ATP11A: variants seen among roughly 807,000 people sequenced by gnomAD.
The protein encoded by ATP11A is phospholipid-transporting ATPase IH.
A neutral mutation model predicts 154.4 loss-of-function variants in ATP11A; 81 were observed. The ratio of observed to expected loss-of-function variants is 0.52; its 90% CI spans 0.44 to 0.63. The LOEUF (loss-of-function observed/expected upper bound fraction) is 0.63, where lower values mean the gene tolerates loss of function less well. Ranked by LOEUF, ATP11A falls within the 30% of genes least tolerant of loss-of-function variation. The pLI is 0.00. For synonymous variants in ATP11A, 623 were observed against 585.9 expected, an observed-to-expected ratio of 1.06 and a Z score of -0.91; for missense variants, 1,316 against 1,474.3, an observed-to-expected ratio of 0.89 and a Z score of 1.76.
chr13:112,721,167 A>G (rs1163004985), intron 1 of ATP11A, among the ~76,000 whole-genome samples: 1 of 152,064 alleles, frequency 6.6e-6, no homozygotes, highest in Non-Finnish European at 1.5e-5. Context: ...TTAGGGTCCG[A>G]TTGCTCCTCT....
At chr13:112,714,751 G>A (rs1297719574) in intron 1 of ATP11A, among the ~76,000 whole-genome samples, 1 of 152,180 alleles carries the variant, frequency 6.6e-6, no homozygotes. Flanking sequence ...GGTCAGTGAG[G>A]CCACTGTGGA....
intron 1 of ATP11A, among the ~76,000 whole-genome samples, chr13:112,767,412 G>A (rs12861222): frequency 0.14 from 2,413 of 17,108 alleles, 298 homozygotes; most frequent in Middle Eastern, 0.29. Flanking sequence ...GCCCCTGTGG[G>A]AAGGTGGGGA....
At chr13:112,733,170 T>C (rs1345074847) in intron 1 of ATP11A, among the ~76,000 whole-genome samples, 1 of 152,228 alleles carries the variant, frequency 6.6e-6, no homozygotes, top group African/African-American at 2.4e-5. Flanking sequence ...GGCATCTGTT[T>C]TTCTCCTTGT....
intron 25 of ATP11A, among the ~76,000 whole-genome samples, chr13:112,870,762 G>A (rs899169694): frequency 1.3e-5 from 2 of 152,234 alleles, no homozygotes; most frequent in South Asian, 2.1e-4. Flanking sequence ...GGGCCACAGC[G>A]CAGGAGCGTC....
At chr13:112,727,336 T>C (rs1272224889) in intron 1 of ATP11A, among the ~76,000 whole-genome samples, 3 of 152,244 alleles carry the variant, frequency 2.0e-5, no homozygotes, top group African/African-American at 2.4e-5. Flanking sequence ...CGTGAGCCAC[T>C]GTGCCCTACT....
chr13:112,819,209 C>G (rs1186333892), intron 6 of ATP11A, 95 bp from the exon 7 acceptor site: 1 of 983,788 alleles, frequency 1.0e-6, no homozygotes, highest in Non-Finnish European at 1.6e-6. Flanking sequence ...CTCATAGGGT[C>G]AGCCAGGCTT....
chr13:112,826,903 C>T lies in ATP11A; in HGVS notation c.1221+12C>T, dbSNP rs1169656948. ...AAGAGCTGGGACAGGTTGGTGTCTC[C>T]TGAGTCATCTGCTGTGATTTATTAA... On this transcript the variant is annotated intron_variant, in intron 12 of 29. Transcript: ENST00000375645. 1 of 1,614,024 alleles carries T rather than the reference C, an allele frequency of 6.2e-7. No individual in the cohort carries two copies. The highest frequency in any genetic ancestry group is 2.2e-5 in the East Asian group (1 of 44,878).
At chr13:112,718,926 C>T (rs539789819) in intron 1 of ATP11A, among the ~76,000 whole-genome samples, 1 of 152,306 alleles carries the variant, frequency 6.6e-6, no homozygotes, top group African/African-American at 2.4e-5. Flanking sequence ...GCTATCCACC[C>T]GCCTTGCCCT....
chr13:112,797,456 A>G (rs2078032011), intron 2 of ATP11A, among the ~76,000 whole-genome samples: 1 of 152,150 alleles, frequency 6.6e-6, no homozygotes, highest in Admixed American at 6.5e-5. Context: ...ATTTTTTAAA[A>G]AGGGTACACC....
rs1178126197 is a variant in ATP11A at position 112,860,228 on chromosome 13, A to G, written c.2728-59A>G. The G allele has an allele frequency of 1.7e-5, 27 of 1,563,776 alleles. No homozygotes were observed. The East Asian group carries it at 5.4e-4, about 31-fold the overall frequency. ...GAAAGAAAATATATTTAATCAAAAGATCCAAAAAGTTTGTAACAATGCACT... is the reference window on the plus strand; with the variant it reads ...GAAAGAAAATATATTTAATCAAAAGGTCCAAAAAGTTTGTAACAATGCACT... On this transcript the variant is annotated intron_variant, in intron 23 of 29. Transcript: ENST00000375645.
At chr13:112,691,737 C>A (rs1288968681) in intron 1 of ATP11A, among the ~76,000 whole-genome samples, 1 of 152,114 alleles carries the variant, frequency 6.6e-6, no homozygotes, top group Non-Finnish European at 1.5e-5. Flanking sequence ...AAATAGGAGA[C>A]CTTGGCCAAA....
rs566948420 is a variant in ATP11A at position 112,731,963 on chromosome 13, C to T, written c.39+41508C>T. On this transcript the variant is annotated intron_variant, in intron 1 of 29. Coordinates refer to ENST00000375645, the MANE Select transcript of ATP11A (RefSeq NM_015205.3). ...GGGGGGGGGCAGGTGGCCCATGTTC[C>T]GGTGTGGGAAGGCATAGCGTGCGGG... Among the ~76,000 whole-genome samples the T allele has an allele frequency of 7.0e-4, 106 of 151,000 alleles. 1 individual carries two copies. The highest frequency in any genetic ancestry group is 1.6e-3 in the Admixed American group (24 of 15,172).
chr13:112,719,915 A>G (rs1171286938), intron 1 of ATP11A, among the ~76,000 whole-genome samples: 1 of 152,160 alleles, frequency 6.6e-6, no homozygotes, highest in Non-Finnish European at 1.5e-5. Context: ...AAGTATTTCC[A>G]TTTCATTTCT....
intron 1 of ATP11A, among the ~76,000 whole-genome samples, chr13:112,769,131 C>T (rs192937174): frequency 3.9e-5 from 6 of 152,154 alleles, no homozygotes; most frequent in African/African-American, 7.2e-5. Context: ...GGCTGCCCCC[C>T]GGCTCCTCCT....
intron 13 of ATP11A, 150 bp downstream of exon 13, chr13:112,831,698 TG>T: frequency 2.2e-6 from 2 of 903,282 alleles, no homozygotes; most frequent in Non-Finnish European, 3.4e-6. Flanking sequence ...GCGATGTGTG[TG>T]GTGTCCCGTT....
At chr13:112,786,014 A>G (rs1272453453) in intron 2 of ATP11A, among the ~76,000 whole-genome samples, 1 of 109,436 alleles carries the variant, frequency 9.1e-6, no homozygotes, top group Non-Finnish European at 2.0e-5. Flanking sequence ...CGGGCTGCAC[A>G]TGGGGTAAAC....
chr13:112,724,114 GC>G (rs1231463181), intron 1 of ATP11A, among the ~76,000 whole-genome samples: 568 of 40,936 alleles, frequency 0.014, 2 homozygotes, highest in Non-Finnish European at 0.02. Flanking sequence ...CGCCCCCTTC[GC>G]CCCCTTCTCC....
At chr13:112,787,012 C>T (rs1360995131) in intron 2 of ATP11A, among the ~76,000 whole-genome samples, 2 of 147,558 alleles carry the variant, frequency 1.4e-5, no homozygotes, top group Non-Finnish European at 3.0e-5. Context: ...TAATCCACAC[C>T]GGGTGTCCTG....
intron 1 of ATP11A, among the ~76,000 whole-genome samples, chr13:112,748,219 G>C (rs1476649641): frequency 6.6e-6 from 1 of 152,160 alleles, no homozygotes; most frequent in Non-Finnish European, 1.5e-5. Context: ...TTTTGGATAA[G>C]GGCTACTCAA....
Sources: allele counts gnomAD v4.1 joint callset (sites outside exome capture counted in the v4.1 genomes callset), GRCh38; gene constraint gnomAD v4.1.1; transcripts MANE v1.5; gene names NCBI Gene and HGNC (gene_info 2026-07-23, HGNC 2026-07-21).